Variants in GAREM1 observed in about 807,000 individuals in gnomAD.
GAREM1 encodes the protein GRB2-associated and regulator of MAPK protein 1.
A neutral mutation model predicts 71.3 loss-of-function variants in GAREM1; 26 were observed. The ratio of observed to expected loss-of-function variants is 0.36; its 90% CI spans 0.27 to 0.51. The LOEUF (loss-of-function observed/expected upper bound fraction) is 0.51. GAREM1 is among the 20% of genes least tolerant of loss of function. The probability of loss-of-function intolerance (pLI) is 0.95; values close to 1 mark genes in which losing one functional copy is unlikely to be tolerated. For synonymous variants in GAREM1, 440 were observed against 433.2 expected (o/e 1.02, Z -0.20); for missense variants, 1,026 against 1,103.1 (o/e 0.93, Z 0.99).
intron 1 of GAREM1, among the ~76,000 whole-genome samples, chr18:32,445,775 A>G (rs2048780455): frequency 6.6e-6 from 1 of 152,160 alleles, no homozygotes; most frequent in South Asian, 2.1e-4. Context: ...TAGAATCACT[A>G]TAGTAAGTCA....
chr18:32,289,873 T>C (rs2047063199), intron 3 of GAREM1, among the ~76,000 whole-genome samples: 1 of 152,230 alleles, frequency 6.6e-6, no homozygotes, highest in Non-Finnish European at 1.5e-5. Flanking sequence ...CTGGTATAAT[T>C]ACCAGTGTTT....
intron 4 of GAREM1, among the ~76,000 whole-genome samples, chr18:32,286,508 T>A (rs2047019339): frequency 6.6e-6 from 1 of 152,190 alleles, no homozygotes; most frequent in South Asian, 2.1e-4. Flanking sequence ...GTCTTCCCCA[T>A]CACAGTAAAT....
At chr18:32,368,207 T>G (rs1376434139) in intron 2 of GAREM1, among the ~76,000 whole-genome samples, 2 of 152,122 alleles carry the variant, frequency 1.3e-5, no homozygotes, top group African/African-American at 4.8e-5. Flanking sequence ...TTCAGGCACT[T>G]TTGACTTATG....
In GAREM1 at chr18:32,389,172, A is replaced by C. The variant is rs115188115; in HGVS notation, c.262+3723T>G. On this transcript the variant is annotated intron_variant, in intron 2 of 5. Transcript: ENST00000269209. ...AGTAAACTATACTACTGCAACTTCA[A>C]AATAAAATTACAAAAGCAAAACAAA... is the stretch of plus-strand genomic sequence containing the variant. Among the ~76,000 whole-genome samples, 194 of 152,346 alleles carry C rather than the reference A, an allele frequency of 1.3e-3. 1 individual carries two copies. Among genetic ancestry groups the C allele is most frequent in the African/African-American group, 4.5e-3 (186 of 41,590 alleles).
chr18:32,440,763 T>C (rs1360221961), intron 1 of GAREM1, among the ~76,000 whole-genome samples: 1 of 152,186 alleles, frequency 6.6e-6, no homozygotes, highest in East Asian at 1.9e-4. Flanking sequence ...ACAATGCTCT[T>C]GATGGCACAG....
intron 3 of GAREM1, among the ~76,000 whole-genome samples, chr18:32,288,939 A>G (rs2047053279): frequency 6.6e-6 from 1 of 152,254 alleles, no homozygotes; most frequent in Admixed American, 6.5e-5. Flanking sequence ...TTACTGTAAA[A>G]TAAAAATATA....
At chr18:32,348,534 G>GCCAAA (rs1567974093) in intron 2 of GAREM1, among the ~76,000 whole-genome samples, 1 of 151,932 alleles carries the variant, frequency 6.6e-6, no homozygotes, top group Non-Finnish European at 1.5e-5. Context: ...GACCAGCCTG[G>GCCAAA]CCAACATGGT....
At position 32,470,346 on chromosome 18, in the gene GAREM1, C is replaced by A. The variant is rs1156291417; in HGVS notation, c.83G>T (p.Ser28Ile). 1 of 1,568,584 alleles carries A rather than the reference C, an allele frequency of 6.4e-7. No homozygotes were observed. Among genetic ancestry groups the A allele is most frequent in the Admixed American group, 1.8e-5 (1 of 55,824 alleles). ...SVAVPLDLLVSTYRLPQIARL... is the reference protein window; with the variant it reads ...SVAVPLDLLVITYRLPQIARL... ...CGCGATCTGGGGCAGCCGGTAAGTGCTGACCAGGAGGTCGAGCGGCACGGC... is the reference window on the plus strand; with the variant it reads ...CGCGATCTGGGGCAGCCGGTAAGTGATGACCAGGAGGTCGAGCGGCACGGC... The change falls in exon 1 of 6, where the codon AGC (serine) becomes ATC (isoleucine). Residue 28 changes from serine (S) to isoleucine (I), a missense_variant. Transcript: ENST00000269209. The surrounding 1 kb of genome is among the most constrained non-coding windows in gnomAD (Gnocchi z 4.4).
chr18:32,279,815 C>G (rs1012340817), intron 4 of GAREM1, among the ~76,000 whole-genome samples: 5 of 152,028 alleles, frequency 3.3e-5, no homozygotes, highest in African/African-American at 9.7e-5. Context: ...TATTATCATT[C>G]TAATCATTAA....
In GAREM1 at chr18:32,287,869, G is replaced by A; in HGVS notation, c.728C>T (p.Thr243Ile). Residue 243 changes from threonine (T) to isoleucine (I), a missense_variant, in exon 4 of 6, where the codon ACC becomes ATC. By Grantham distance (89) the Thr-to-Ile change is moderately conservative (BLOSUM62 -1). This residue lies in a region of GAREM1 where 218 missense variants were observed against 296.8 expected (regional missense o/e 0.73). Transcript: ENST00000269209. The surrounding 1 kb of genome is among the most constrained non-coding windows in gnomAD (Gnocchi z 5.9). ...CACAGTCACATTCACAGGAAGCCTG[G>A]TTTTCTCCACAATGTTGCGGATGGT... ...EHTIRNIVEK[T>I]RLPVNVTVPS... 6.2e-7 allele frequency: 1 copy of A among 1,614,004 alleles called. No homozygotes were observed. Among genetic ancestry groups the A allele is most frequent in the Non-Finnish European group, 8.5e-7 (1 of 1,180,006 alleles).
At chr18:32,370,205 G>A (rs1022579765) in intron 2 of GAREM1, among the ~76,000 whole-genome samples, 2 of 151,984 alleles carry the variant, frequency 1.3e-5, no homozygotes, top group Non-Finnish European at 2.9e-5. Flanking sequence ...GGCCGAGGCC[G>A]GCGGAACACA....
intron 1 of GAREM1, 95 bp from the exon 2 acceptor site, chr18:32,393,130 G>T: frequency 8.1e-7 from 1 of 1,231,532 alleles, no homozygotes; most frequent in Non-Finnish European, 1.1e-6. Context: ...CTTGACTAAT[G>T]CAGAAGTTGA....
In GAREM1 at chr18:32,273,583, C is replaced by A. The variant is rs192900581; in HGVS notation, c.1567-3200G>T. Among the ~76,000 whole-genome samples the A allele has an allele frequency of 5.9e-5, 9 of 152,172 alleles. No individual in the cohort carries two copies. The East Asian group carries it at 1.5e-3, about 26-fold the overall frequency. On this transcript the variant is annotated intron_variant, in intron 4 of 5. Coordinates refer to ENST00000269209, the MANE Select transcript of GAREM1 (RefSeq NM_001242409.2). ...AGAGAAGCATTTCTAAGCTAAAGGG[C>A]CTGGTGAGGAGGTAGCCAGGGCCAA... is the stretch of plus-strand genomic sequence containing the variant.
intron 4 of GAREM1, among the ~76,000 whole-genome samples, chr18:32,285,012 G>A (rs1414139423): frequency 6.6e-6 from 1 of 152,044 alleles, no homozygotes. Flanking sequence ...GCCTCCCAAA[G>A]TGCTGGGATT....
Position 32,417,757 on chromosome 18 carries a change from G to A in GAREM1, c.122-24722C>T, listed in dbSNP as rs368198513. On this transcript the variant is annotated intron_variant, in intron 1 of 5. Transcript: ENST00000269209. The stretch of plus-strand genomic sequence containing the variant: ...TGGGGGTGGGAGGAAGGTGGGGATG[G>A]TTAATGGACACACACAAAAAAAGTA... 3.1e-4 allele frequency among the ~76,000 whole-genome samples: 47 copies of A among 152,096 alleles called. No homozygotes were observed. In the East Asian group the frequency reaches 4.6e-3, roughly 15 times the overall value.
intron 2 of GAREM1, among the ~76,000 whole-genome samples, chr18:32,357,407 G>A (rs550065080): frequency 5.3e-5 from 8 of 152,266 alleles, no homozygotes; most frequent in Non-Finnish European, 1.0e-4. Flanking sequence ...AACTTTTCAC[G>A]TGCTACCTTT....
chr18:32,327,318 T>C lies in GAREM1; in HGVS notation c.263-16995A>G, dbSNP rs77246637. On this transcript the variant is annotated intron_variant, in intron 2 of 5. Transcript: ENST00000269209. ...ATTTTATAACAAATAAGAAACATAGTCATCAGATAATTAGTAGATGGATTC... is the reference window on the plus strand; with the variant it reads ...ATTTTATAACAAATAAGAAACATAGCCATCAGATAATTAGTAGATGGATTC... 6.8e-3 allele frequency among the ~76,000 whole-genome samples: 1,032 copies of C among 152,318 alleles called. 36 individuals are homozygous for C. Among genetic ancestry groups the C allele is most frequent in the East Asian group, 0.045 (234 of 5,182 alleles).
chr18:32,350,256 C>T (rs2047735085), intron 2 of GAREM1, among the ~76,000 whole-genome samples: 1 of 152,062 alleles, frequency 6.6e-6, no homozygotes, highest in African/African-American at 2.4e-5. Context: ...TTTTAAAAGT[C>T]TATTTATGAA....
chr18:32,369,521 G>A (rs2047957147), intron 2 of GAREM1, among the ~76,000 whole-genome samples: 1 of 152,148 alleles, frequency 6.6e-6, no homozygotes, highest in Non-Finnish European at 1.5e-5. Flanking sequence ...AGAATATATG[G>A]AGATGGATGG....
Sources: gnomAD v4.1 joint callset for allele counts (sites outside exome capture counted in the v4.1 genomes callset) on GRCh38, gnomAD v4.1.1 for gene constraint, gnomAD v4.1.1 regional missense constraint, Gnocchi (gnomAD v3.1) non-coding constraint, MANE v1.5 for transcripts, NCBI Gene and HGNC (gene_info 2026-07-23, HGNC 2026-07-21) for gene names.